The following UBR2 variants were observed in gnomAD, a reference collection of about 807,000 sequenced individuals.
UBR2 encodes ubiquitin protein ligase E3 component n-recognin 2.
In UBR2, 92 loss-of-function variants were observed where a neutral mutation model predicts 247.9. The observed-to-expected ratio is 0.37, with a 90% CI of 0.31 to 0.44. The LOEUF (loss-of-function observed/expected upper bound fraction) is 0.44. UBR2 is among the 20% of genes least tolerant of loss of function. The pLI, the probability that UBR2 is intolerant of heterozygous loss-of-function variation, is 1.00. For synonymous variants in UBR2, 672 were observed against 693.5 expected (o/e 0.97, Z 0.49); for missense variants, 1,613 against 2,112.6 (o/e 0.76, Z 4.64).
chr6:42,668,061 C>T (rs1798226791), intron 34 of UBR2, among the ~76,000 whole-genome samples: 1 of 151,864 alleles, frequency 6.6e-6, no homozygotes, highest in African/African-American at 2.4e-5. Context: ...ACCTGGCCTC[C>T]TAACAACTTT....
At chr6:42,642,782 A>G (rs145280856) in intron 18 of UBR2, among the ~76,000 whole-genome samples, 1 of 152,258 alleles carries the variant, frequency 6.6e-6, no homozygotes, top group African/African-American at 2.4e-5. Flanking sequence ...AAAGTCATAT[A>G]CCTGAAAGCC....
At chr6:42,587,455 T>A (rs926136978) in intron 2 of UBR2, among the ~76,000 whole-genome samples, 1 of 152,122 alleles carries the variant, frequency 6.6e-6, no homozygotes, top group Admixed American at 6.6e-5. Context: ...CCTCCCAGGT[T>A]CAAGCAATCC....
chr6:42,636,940 T>C, intron 14 of UBR2, 71 bp from the exon 15 acceptor site: 1 of 1,508,784 alleles, frequency 6.6e-7, no homozygotes, highest in Middle Eastern at 1.8e-4. Context: ...ACTCACTGAA[T>C]TTAAGGTGCT....
chr6:42,674,390 G>A (rs150151903), intron 38 of UBR2, among the ~76,000 whole-genome samples, 197 bp downstream of exon 38: 1 of 152,196 alleles, frequency 6.6e-6, no homozygotes, highest in South Asian at 2.1e-4. Flanking sequence ...TTATCGAGAC[G>A]TCCTCTGACT....
At chr6:42,641,249 A>C (rs911841520) in intron 16 of UBR2, among the ~76,000 whole-genome samples, 1 of 152,080 alleles carries the variant, frequency 6.6e-6, no homozygotes, top group Non-Finnish European at 1.5e-5. Flanking sequence ...GGATCACCTG[A>C]GGTCAGGAGT....
In UBR2 at chr6:42,607,712, GT is replaced by G. The variant is rs370045491; in HGVS notation, c.864+1083del. ...CAGGCATGTCCCACCACTCCCAGCTGTTTTTTTTTTTTTTTTTTTTTTAGTA... is the reference window on the plus strand; with the variant it reads ...CAGGCATGTCCCACCACTCCCAGCTGTTTTTTTTTTTTTTTTTTTTTAGTA... On this transcript the variant is annotated intron_variant, in intron 7 of 46. Transcript: ENST00000372901. Among the ~76,000 whole-genome samples the G allele has an allele frequency of 3.3e-3, 167 of 50,776 alleles. 5 individuals carry two copies. Among genetic ancestry groups the G allele is most frequent in the East Asian group, 0.023 (49 of 2,172 alleles). The allele number at this position is 50,776 out of a possible 152,430, so 33.3% of individuals were successfully genotyped here.
intron 30 of UBR2, among the ~76,000 whole-genome samples, chr6:42,661,806 A>C (rs973603845): frequency 6.6e-6 from 1 of 152,202 alleles, no homozygotes; most frequent in Non-Finnish European, 1.5e-5. Context: ...AGCTGCCCTG[A>C]ACGCACATAA....
At chr6:42,658,553 T>G in intron 28 of UBR2, 93 bp from the exon 29 acceptor site, 1 of 1,272,056 alleles carries the variant, frequency 7.9e-7, no homozygotes, top group Admixed American at 3.0e-5. Flanking sequence ...AGAATAGTTT[T>G]TTAATTGGTA....
chr6:42,599,361 G>A (rs1284150620), intron 4 of UBR2, among the ~76,000 whole-genome samples: 2 of 152,088 alleles, frequency 1.3e-5, no homozygotes, highest in Non-Finnish European at 2.9e-5. Context: ...GAGCCCAGGA[G>A]TTTGAGGTTA....
At chr6:42,670,314 T>C in intron 35 of UBR2, 74 bp downstream of exon 35, 2 of 1,544,624 alleles carry the variant, frequency 1.3e-6, no homozygotes, top group Admixed American at 2.0e-5. Context: ...AATCTTGTTT[T>C]TAAATGAAAT....
At chr6:42,668,980 G>A (rs1334505911) in intron 34 of UBR2, among the ~76,000 whole-genome samples, 2 of 151,634 alleles carry the variant, frequency 1.3e-5, no homozygotes, top group African/African-American at 2.4e-5. Context: ...ATGGAGTGCA[G>A]TGGCACGATC....
chr6:42,583,110 A>G (rs528199972), intron 2 of UBR2, among the ~76,000 whole-genome samples: 27 of 152,242 alleles, frequency 1.8e-4, no homozygotes, highest in African/African-American at 4.8e-4. Flanking sequence ...GCTTGTTTCT[A>G]TGGTGGCTTT....
chr6:42,635,330 T>A, intron 13 of UBR2, 88 bp from the exon 14 acceptor site: 2 of 1,312,780 alleles, frequency 1.5e-6, no homozygotes, highest in Admixed American at 4.7e-5. Context: ...ATAATCAATA[T>A]ATATTTCTCC....
intron 11 of UBR2, among the ~76,000 whole-genome samples, chr6:42,630,562 A>G (rs900980776): frequency 4.6e-5 from 7 of 151,976 alleles, no homozygotes; most frequent in African/African-American, 1.7e-4. Context: ...CTCTGTTAAC[A>G]TTCACCTGAA....
In UBR2 at chr6:42,645,455, A is replaced by G. The variant is rs1339334474; in HGVS notation, c.2285-11A>G. On this transcript the variant is annotated splice_polypyrimidine_tract_variant and intron_variant, in intron 20 of 46. Coordinates refer to ENST00000372901, the MANE Select transcript of UBR2 (RefSeq NM_001363705.2). ...TAAATGTATGTATATGTACTTTTCC[A>G]TTTTTGACAGGAGAGAGATTTAGTC... 2 of 1,611,046 alleles carry G rather than the reference A, an allele frequency of 1.2e-6. No homozygotes were observed. The highest frequency in any genetic ancestry group is 1.7e-6 in the Non-Finnish European group (2 of 1,178,906).
chr6:42,592,279 A>T, intron 3 of UBR2, 50 bp downstream of exon 3: 1 of 1,337,718 alleles, frequency 7.5e-7, no homozygotes, highest in South Asian at 1.7e-5. Context: ...TTTTATAATA[A>T]ATATCTTTTC....
rs768735323 is a variant in UBR2 at position 42,615,123 on chromosome 6, T to C, written c.1038T>C (p.Gly346=). ...TTGGTTTACAAGAAGGGCCAGATGG[T>C]GAAAACTCTTCTCTAGTGGACAGAC... ...CQVGLQEGPD[G]ENSSLVDRLM... Residue 346 remains glycine (G), a synonymous_variant, in exon 9 of 47, where the codon GGT becomes GGC. Coordinates refer to ENST00000372901, the MANE Select transcript of UBR2 (RefSeq NM_001363705.2). 1.2e-6 allele frequency: 2 copies of C among 1,613,784 alleles called. No individual in the cohort carries two copies. The highest frequency in any genetic ancestry group is 1.7e-6 in the Non-Finnish European group (2 of 1,179,864).
At chr6:42,642,555 C>A in intron 18 of UBR2, 74 bp downstream of exon 18, 1 of 1,226,848 alleles carries the variant, frequency 8.2e-7, no homozygotes, top group Non-Finnish European at 1.2e-6. Context: ...AGAATTCAGT[C>A]ACTTGTGATC....
chr6:42,681,891 A>G (rs777870000), intron 42 of UBR2, among the ~76,000 whole-genome samples: 20 of 152,166 alleles, frequency 1.3e-4, no homozygotes, highest in Non-Finnish European at 2.1e-4. Context: ...TGGTGTGTAC[A>G]CACACACAAT....
Sources: gnomAD v4.1 joint callset for allele counts (sites outside exome capture counted in the v4.1 genomes callset) on GRCh38, gnomAD v4.1.1 for gene constraint, MANE v1.5 for transcripts, NCBI Gene and HGNC (gene_info 2026-07-23, HGNC 2026-07-21) for gene names.